Variants in TTC7B observed in about 807,000 individuals in gnomAD.
TTC7B encodes tetratricopeptide repeat domain 7B, also known as tetratricopeptide repeat protein 7B.
TTC7B carries 28 observed loss-of-function variants against 106.8 expected under a neutral mutation model. The observed-to-expected ratio is 0.26, with a 90% CI of 0.19 to 0.36. The LOEUF (loss-of-function observed/expected upper bound fraction) is 0.36, where lower values mean the gene tolerates loss of function less well. TTC7B is among the 10% of genes least tolerant of loss of function. The probability of loss-of-function intolerance (pLI) is 1.00; values close to 1 mark genes in which losing one functional copy is unlikely to be tolerated. For synonymous variants in TTC7B, 405 were observed against 430.6 expected, an observed-to-expected ratio of 0.94 and a Z score of 0.74; for missense variants, 862 against 1,076.4, an observed-to-expected ratio of 0.80 and a Z score of 2.79.
chr14:90,658,941 T>A (rs1886068060), intron 9 of TTC7B, among the ~76,000 whole-genome samples: 1 of 152,324 alleles, frequency 6.6e-6, no homozygotes, highest in African/African-American at 2.4e-5. Flanking sequence ...CAGAGTGACA[T>A]GATGACGTTA....
intron 7 of TTC7B, 58 bp from the exon 8 acceptor site, chr14:90,680,593 A>G (rs1227626795): frequency 7.8e-7 from 1 of 1,289,524 alleles, no homozygotes; most frequent in Non-Finnish European, 1.1e-6. Flanking sequence ...TACAAATACA[A>G]GCAGAACTGA....
intron 1 of TTC7B, 121 bp from the exon 2 acceptor site, chr14:90,786,449 T>C: frequency 1.5e-5 from 17 of 1,130,932 alleles, no homozygotes; most frequent in Admixed American, 6.7e-5. Context: ...AAGGTCCTTC[T>C]GGAACTTCAT....
In TTC7B at chr14:90,807,823, G is replaced by A. The variant is rs116309345; in HGVS notation, c.121+8352C>T. ...TTTAGTATTTGGCTCAAAGCATGCT[G>A]CATACCTGCAACACTGGGAGCTTAA... is the stretch of plus-strand genomic sequence containing the variant. On this transcript the variant is annotated intron_variant, in intron 1 of 19. Transcript: ENST00000328459. The surrounding 1 kb of genome is among the most constrained non-coding windows in gnomAD (Gnocchi z 4.1). Among the ~76,000 whole-genome samples, 620 of 152,280 alleles carry A rather than the reference G, an allele frequency of 4.1e-3. 7 individuals are homozygous for A. The highest frequency in any genetic ancestry group is 0.014 in the African/African-American group (587 of 41,542).
intron 3 of TTC7B, among the ~76,000 whole-genome samples, chr14:90,752,028 G>A (rs1469925416): frequency 1.3e-5 from 2 of 152,158 alleles, no homozygotes; most frequent in African/African-American, 4.8e-5. Context: ...GGAAAGCAAA[G>A]GTGCTAGACA....
chr14:90,785,673 T>G (rs2073330), intron 2 of TTC7B, among the ~76,000 whole-genome samples: 1 of 151,964 alleles, frequency 6.6e-6, no homozygotes, highest in African/African-American at 2.4e-5. Flanking sequence ...TCCTTGTGCC[T>G]GAGGGTGAGG....
At chr14:90,745,713 T>C (rs1889943027) in intron 3 of TTC7B, among the ~76,000 whole-genome samples, 6 of 151,778 alleles carry the variant, frequency 4.0e-5, no homozygotes, top group Admixed American at 3.9e-4. Context: ...TTTTCTTTTT[T>C]TTTTTTTTGG....
intron 18 of TTC7B, among the ~76,000 whole-genome samples, chr14:90,581,872 C>A (rs557622037): frequency 7.9e-5 from 12 of 152,230 alleles, no homozygotes; most frequent in East Asian, 1.9e-4. Flanking sequence ...GCTCCCTTCA[C>A]GTGATGGGGA....
intron 1 of TTC7B, among the ~76,000 whole-genome samples, chr14:90,786,770 AGG>A (rs1193814411): frequency 1.3e-5 from 2 of 152,112 alleles, no homozygotes; most frequent in Admixed American, 6.6e-5. Flanking sequence ...TAGTAAAAAC[AGG>A]GTTTCACCAT....
At chr14:90,753,867 A>G (rs1323996708) in intron 3 of TTC7B, among the ~76,000 whole-genome samples, 1 of 152,256 alleles carries the variant, frequency 6.6e-6, no homozygotes, top group Non-Finnish European at 1.5e-5. Flanking sequence ...TTCCCCTGCT[A>G]GAGCAGATGG....
chr14:90,755,849 T>C (rs914511127), intron 3 of TTC7B, among the ~76,000 whole-genome samples: 1 of 152,246 alleles, frequency 6.6e-6, no homozygotes, highest in Non-Finnish European at 1.5e-5. Flanking sequence ...AACTGACTGT[T>C]AGAAGGCTCG....
At chr14:90,670,007 G>C (rs999706125) in intron 9 of TTC7B, among the ~76,000 whole-genome samples, 2 of 152,236 alleles carry the variant, frequency 1.3e-5, no homozygotes, top group African/African-American at 4.8e-5. Context: ...GTTGGCTGGG[G>C]ACAGGAGAAG....
In TTC7B at chr14:90,578,331, CAT is replaced by C. The variant is rs1432594807; in HGVS notation, c.2108-25_2108-24del. 6.2e-7 allele frequency: 1 copy of C among 1,609,528 alleles called. No homozygotes were observed. Among genetic ancestry groups the C allele is most frequent in the Admixed American group, 1.7e-5 (1 of 59,158 alleles). On this transcript the variant is annotated intron_variant, in intron 18 of 19. Transcript: ENST00000328459. This position sits in a 1 kb window ranked among gnomAD's most constrained non-coding sequence, Gnocchi z 4.7. Reference sequence around the variant, plus strand: ...CAGCTGTGAGGAGACAGCAACGGCACATGCTTTCCTGGTGCCCCTCTGAGGCC... The same window carrying C: ...CAGCTGTGAGGAGACAGCAACGGCACGCTTTCCTGGTGCCCCTCTGAGGCC...
Position 90,584,595 on chromosome 14 carries a change from G to A in TTC7B, c.2108-6287C>T, listed in dbSNP as rs117162760. Among the ~76,000 whole-genome samples, 473 of 152,248 alleles carry A rather than the reference G, an allele frequency of 3.1e-3. 6 individuals are homozygous for A. Among genetic ancestry groups the A allele is most frequent in the East Asian group, 0.028 (144 of 5,162 alleles). On this transcript the variant is annotated intron_variant, in intron 18 of 19. Transcript: ENST00000328459. ...TTCAGAAGGGACATCTTTCGGAAAC[G>A]CACACAAAGGAGCAGTCTAGGCTGG... is the stretch of plus-strand genomic sequence containing the variant.
At chr14:90,617,881 A>T in intron 16 of TTC7B, 48 bp downstream of exon 16, 1 of 1,446,840 alleles carries the variant, frequency 6.9e-7, no homozygotes, top group Non-Finnish European at 9.7e-7. Flanking sequence ...ACTGATAGGC[A>T]GGGACCCATG....
At chr14:90,664,722 C>T (rs559990152) in intron 9 of TTC7B, among the ~76,000 whole-genome samples, 1 of 152,320 alleles carries the variant, frequency 6.6e-6, no homozygotes, top group South Asian at 2.1e-4. Context: ...ACAAAAAGAG[C>T]AGTCACATGG....
intron 1 of TTC7B, among the ~76,000 whole-genome samples, chr14:90,814,604 C>G (rs1595060586): frequency 6.6e-6 from 1 of 152,146 alleles, no homozygotes; most frequent in Admixed American, 6.5e-5. Context: ...ACAAATAAAC[C>G]CATTTAATCC....
chr14:90,778,891 C>T (rs1375602227), intron 3 of TTC7B, among the ~76,000 whole-genome samples: 2 of 152,224 alleles, frequency 1.3e-5, no homozygotes, highest in Non-Finnish European at 2.9e-5. Flanking sequence ...TATATCACCC[C>T]CTTCACAAAG....
At chr14:90,652,266 A>G (rs934999769) in intron 13 of TTC7B, among the ~76,000 whole-genome samples, 11 of 152,050 alleles carry the variant, frequency 7.2e-5, no homozygotes, top group African/African-American at 2.7e-4. Context: ...AAATTAAATA[A>G]GGGATGTGAA....
intron 1 of TTC7B, among the ~76,000 whole-genome samples, chr14:90,812,070 C>A (rs1015774972): frequency 3.9e-5 from 6 of 152,170 alleles, no homozygotes; most frequent in African/African-American, 1.4e-4. Flanking sequence ...AGGGAACCAA[C>A]CCCATTATGA....
Sources: allele counts gnomAD v4.1 joint callset (sites outside exome capture counted in the v4.1 genomes callset), GRCh38; gene constraint gnomAD v4.1.1; non-coding constraint Gnocchi (gnomAD v3.1); transcripts MANE v1.5; gene names NCBI Gene and HGNC (gene_info 2026-07-23, HGNC 2026-07-21).